Variants in CCSER1 observed in about 807,000 individuals in gnomAD.
The protein encoded by CCSER1 is coiled-coil serine rich protein 1.
A neutral mutation model predicts 82.0 loss-of-function variants in CCSER1; 41 were observed. The ratio of observed to expected loss-of-function variants is 0.50; its 90% confidence interval spans 0.39 to 0.65. CCSER1 has a LOEUF of 0.65. Ranked by LOEUF, CCSER1 falls within the 30% of genes least tolerant of loss-of-function variation. The pLI, the probability that CCSER1 is intolerant of heterozygous loss-of-function variation, is 0.00. For missense variants in CCSER1, 1,119 were observed against 1,064.2 expected, an observed-to-expected ratio of 1.05 and a Z score of -0.72; for synonymous variants, 414 against 383.9, an observed-to-expected ratio of 1.08 and a Z score of -0.92.
intron 5 of CCSER1, among the ~76,000 whole-genome samples, chr4:90,547,572 A>G (rs1274032234): frequency 6.6e-6 from 1 of 152,134 alleles, no homozygotes; most frequent in Non-Finnish European, 1.5e-5. Flanking sequence ...AAGGAGAAAA[A>G]AATGAAAACA....
intron 10 of CCSER1, among the ~76,000 whole-genome samples, chr4:91,509,965 A>G (rs924884638): frequency 1.3e-5 from 2 of 152,146 alleles, no homozygotes; most frequent in African/African-American, 4.8e-5. Flanking sequence ...GGTACTAAGC[A>G]TAGTACCCAG....
intron 10 of CCSER1, among the ~76,000 whole-genome samples, chr4:91,125,186 A>C (rs547578713): frequency 2.6e-5 from 4 of 151,774 alleles, no homozygotes; most frequent in Non-Finnish European, 4.4e-5. Flanking sequence ...ATCAGGATTT[A>C]TGAAATAATT....
At chr4:91,546,036 A>G (rs995315563) in intron 10 of CCSER1, among the ~76,000 whole-genome samples, 4 of 152,074 alleles carry the variant, frequency 2.6e-5, no homozygotes, top group Admixed American at 6.6e-5. Context: ...ATCTATTGAT[A>G]TAATTGTGTA....
At position 90,463,067 on chromosome 4, in the gene CCSER1, C is replaced by G. The variant is rs77320033; in HGVS notation, c.1604-5167C>G. Among the ~76,000 whole-genome samples, 8 of 152,044 alleles carry G rather than the reference C, an allele frequency of 5.3e-5. No homozygotes were observed. In the East Asian group the frequency reaches 1.4e-3, roughly 26 times the overall value. On this transcript the variant is annotated intron_variant, in intron 4 of 10. Coordinates refer to ENST00000509176, the MANE Select transcript of CCSER1 (RefSeq NM_001145065.2). ...TGGATTATTTTTTAAGAAGTTTTTA[C>G]TTTAGGATATTGATAATTTTGATGC...
chr4:91,021,365 A>T (rs1263416140), intron 9 of CCSER1, among the ~76,000 whole-genome samples: 1 of 152,174 alleles, frequency 6.6e-6, no homozygotes, highest in Non-Finnish European at 1.5e-5. Flanking sequence ...TAGAAATGAC[A>T]GACTTTGTAA....
chr4:90,348,923 C>G (rs1409281772), intron 3 of CCSER1, among the ~76,000 whole-genome samples: 1 of 151,984 alleles, frequency 6.6e-6, no homozygotes, highest in African/African-American at 2.4e-5. Flanking sequence ...CTATTAATCT[C>G]TGAGTTTATA....
chr4:90,749,177 C>T (rs1215940082), intron 7 of CCSER1, among the ~76,000 whole-genome samples: 5 of 150,668 alleles, frequency 3.3e-5, no homozygotes, highest in African/African-American at 1.2e-4. Flanking sequence ...TTAGGTCTAA[C>T]GTTTAAGTCT....
At chr4:91,132,015 G>A (rs887344316) in intron 10 of CCSER1, among the ~76,000 whole-genome samples, 3 of 151,836 alleles carry the variant, frequency 2.0e-5, no homozygotes, top group Admixed American at 6.6e-5. Flanking sequence ...AAAGATAAAA[G>A]TTACCTGAGG....
chr4:91,344,853 A>C (rs915567009), intron 10 of CCSER1, among the ~76,000 whole-genome samples: 1 of 152,180 alleles, frequency 6.6e-6, no homozygotes, highest in Non-Finnish European at 1.5e-5. Flanking sequence ...AAAATAAATG[A>C]ATTATAAAGG....
At chr4:90,813,271 C>G (rs1265063950) in intron 7 of CCSER1, among the ~76,000 whole-genome samples, 1 of 152,222 alleles carries the variant, frequency 6.6e-6, no homozygotes, top group African/African-American at 2.4e-5. Flanking sequence ...AATTCTGAAA[C>G]CTGGTGGGCC....
At chr4:91,482,851 AC>A (rs1758012990) in intron 10 of CCSER1, among the ~76,000 whole-genome samples, 2 of 152,142 alleles carry the variant, frequency 1.3e-5, no homozygotes, top group Non-Finnish European at 2.9e-5. Context: ...AGGACAAAAA[AC>A]CAAACACCGC....
intron 10 of CCSER1, among the ~76,000 whole-genome samples, chr4:91,119,963 A>T (rs1460825576): frequency 6.6e-6 from 1 of 151,998 alleles, no homozygotes; most frequent in Admixed American, 6.6e-5. Flanking sequence ...GAGTTTTATA[A>T]ATTATCTAGT....
chr4:90,419,820 T>C (rs1756412412), intron 4 of CCSER1, among the ~76,000 whole-genome samples: 1 of 151,980 alleles, frequency 6.6e-6, no homozygotes, highest in Admixed American at 6.6e-5. Flanking sequence ...TATTCTTTAA[T>C]TTATTGAATG....
intron 1 of CCSER1, among the ~76,000 whole-genome samples, chr4:90,256,931 T>C (rs1723408421): frequency 6.6e-6 from 1 of 152,084 alleles, no homozygotes; most frequent in South Asian, 2.1e-4. Context: ...AATCTCATTG[T>C]TTTTCATTTA....
At chr4:90,985,161 TTATC>T (rs1469594168) in intron 9 of CCSER1, among the ~76,000 whole-genome samples, 1 of 151,776 alleles carries the variant, frequency 6.6e-6, no homozygotes, top group Non-Finnish European at 1.5e-5. Context: ...ATTTCATAAA[TTATC>T]TGTTAATAAG....
chr4:90,338,288 C>T (rs1210297603), intron 3 of CCSER1, among the ~76,000 whole-genome samples: 1 of 152,216 alleles, frequency 6.6e-6, no homozygotes, highest in Non-Finnish European at 1.5e-5. Flanking sequence ...CCAGCCTTTA[C>T]TGACTTAAAC....
intron 10 of CCSER1, among the ~76,000 whole-genome samples, chr4:91,570,337 C>T (rs1007013781): frequency 6.6e-6 from 1 of 152,192 alleles, no homozygotes; most frequent in African/African-American, 2.4e-5. Flanking sequence ...CACCACTAGG[C>T]AGTGCCCCAG....
chr4:90,753,911 G>A (rs1035533232), intron 7 of CCSER1, among the ~76,000 whole-genome samples: 1 of 152,036 alleles, frequency 6.6e-6, no homozygotes, highest in Non-Finnish European at 1.5e-5. Flanking sequence ...TCCTTCATCA[G>A]GATAGTCATA....
At chr4:90,376,568 T>C (rs1748349432) in intron 3 of CCSER1, among the ~76,000 whole-genome samples, 1 of 152,170 alleles carries the variant, frequency 6.6e-6, no homozygotes. Context: ...ATTTGTCCAG[T>C]TGTCTGTGTC....
Sources: gnomAD v4.1 joint callset for allele counts (sites outside exome capture counted in the v4.1 genomes callset) on GRCh38, gnomAD v4.1.1 for gene constraint, MANE v1.5 for transcripts, NCBI Gene and HGNC (gene_info 2026-07-23, HGNC 2026-07-21) for gene names.